The following TBC1D22A variants were observed in gnomAD, a reference collection of about 807,000 sequenced individuals.
TBC1D22A encodes putative GTPase activator.
In TBC1D22A, 38 loss-of-function variants were observed where a neutral mutation model predicts 60.2. The ratio of observed to expected loss-of-function variants is 0.63; its 90% confidence interval spans 0.49 to 0.83. The LOEUF is 0.83. Ranked by LOEUF, TBC1D22A falls within the 40% of genes least tolerant of loss-of-function variation. TBC1D22A has a pLI of 0.00. For synonymous variants in TBC1D22A, 302 were observed against 281.7 expected (o/e 1.07, Z -0.72); for missense variants, 628 against 701.0 (o/e 0.90, Z 1.18).
intron 11 of TBC1D22A, among the ~76,000 whole-genome samples, chr22:47,043,809 A>C (rs2062928995): frequency 6.6e-6 from 1 of 152,112 alleles, no homozygotes; most frequent in African/African-American, 2.4e-5. Context: ...AGTGTGCTCT[A>C]TGTGAGGTGC....
intron 9 of TBC1D22A, among the ~76,000 whole-genome samples, chr22:46,976,109 C>T (rs188706511): frequency 4.6e-5 from 7 of 152,288 alleles, no homozygotes; most frequent in East Asian, 3.9e-4. Flanking sequence ...TTTCAAATGT[C>T]GCTTCTCTGA....
chr22:46,786,136 T>C (rs966926863), intron 1 of TBC1D22A, among the ~76,000 whole-genome samples: 1 of 152,248 alleles, frequency 6.6e-6, no homozygotes, highest in African/African-American at 2.4e-5. Context: ...TTAAGTGTGA[T>C]GTTAACTATG....
chr22:47,098,126 A>G (rs993518610), intron 11 of TBC1D22A, among the ~76,000 whole-genome samples: 4 of 152,184 alleles, frequency 2.6e-5, no homozygotes, highest in Admixed American at 6.5e-5. Context: ...TCCAATTGCA[A>G]TAGGATCAGG....
At chr22:46,833,754 G>A (rs1482262915) in intron 4 of TBC1D22A, among the ~76,000 whole-genome samples, 1 of 152,184 alleles carries the variant, frequency 6.6e-6, no homozygotes, top group African/African-American at 2.4e-5. Context: ...TTGTGAAGGT[G>A]GTTCCAGAGC....
intron 9 of TBC1D22A, among the ~76,000 whole-genome samples, chr22:46,982,317 G>A (rs1340793533): frequency 1.3e-5 from 2 of 150,730 alleles, no homozygotes; most frequent in African/African-American, 4.9e-5. Flanking sequence ...TCTGCCTCCC[G>A]GGTTCAAGCA....
At chr22:47,017,936 A>G (rs988711937) in intron 10 of TBC1D22A, among the ~76,000 whole-genome samples, 1 of 152,196 alleles carries the variant, frequency 6.6e-6, no homozygotes, top group Non-Finnish European at 1.5e-5. Context: ...ACGTCCCTTT[A>G]ATACGTTCCA....
intron 12 of TBC1D22A, among the ~76,000 whole-genome samples, chr22:47,135,233 G>A (rs955352675): frequency 6.6e-6 from 1 of 152,240 alleles, no homozygotes; most frequent in Non-Finnish European, 1.5e-5. Flanking sequence ...GCTCGGCGCT[G>A]CTTCCCGTCA....
intron 2 of TBC1D22A, 57 bp from the exon 3 acceptor site, chr22:46,793,444 C>A: frequency 3.2e-6 from 5 of 1,557,644 alleles, no homozygotes; most frequent in African/African-American, 1.4e-5. Flanking sequence ...TCTTTCCTGG[C>A]TGGTTTTGGG....
At chr22:46,803,065 A>C (rs756430045) in intron 4 of TBC1D22A, among the ~76,000 whole-genome samples, 1 of 152,122 alleles carries the variant, frequency 6.6e-6, no homozygotes, top group Non-Finnish European at 1.5e-5. Context: ...CAGGGAAAGC[A>C]GTGTGTTTAA....
At chr22:47,122,504 C>T (rs1046951095) in intron 12 of TBC1D22A, among the ~76,000 whole-genome samples, 1 of 152,154 alleles carries the variant, frequency 6.6e-6, no homozygotes, top group African/African-American at 2.4e-5. Context: ...GCCACCTGGT[C>T]CCCTGGGCCC....
At chr22:46,980,773 C>A (rs1344862997) in intron 9 of TBC1D22A, among the ~76,000 whole-genome samples, 1 of 152,134 alleles carries the variant, frequency 6.6e-6, no homozygotes, top group Non-Finnish European at 1.5e-5. Context: ...GATGTTGTTA[C>A]TAATATCTAA....
chr22:47,101,515 C>T (rs57473472), intron 11 of TBC1D22A, among the ~76,000 whole-genome samples: 1 of 152,260 alleles, frequency 6.6e-6, no homozygotes, highest in Admixed American at 6.5e-5. Context: ...TCAGCCATGC[C>T]TGTGGGGCGA....
At chr22:46,798,238 G>C (rs192699846) in intron 4 of TBC1D22A, among the ~76,000 whole-genome samples, 111 of 152,348 alleles carry the variant, frequency 7.3e-4, no homozygotes, top group Non-Finnish European at 1.4e-3. Context: ...TGAGCCCTTC[G>C]AGGCTGGCCA....
At chr22:47,048,566 G>A (rs552715655) in intron 11 of TBC1D22A, among the ~76,000 whole-genome samples, 16 of 152,332 alleles carry the variant, frequency 1.1e-4, no homozygotes, top group African/African-American at 3.4e-4. Flanking sequence ...CTGGGCCAGA[G>A]GAGCATGGGG....
intron 4 of TBC1D22A, among the ~76,000 whole-genome samples, chr22:46,825,111 G>A (rs999660065): frequency 2.0e-5 from 3 of 152,128 alleles, no homozygotes; most frequent in Non-Finnish European, 2.9e-5. Context: ...TTCCCTTAAC[G>A]CAAGGCATTT....
intron 11 of TBC1D22A, among the ~76,000 whole-genome samples, chr22:47,057,287 C>T (rs769107664): frequency 6.6e-6 from 1 of 152,236 alleles, no homozygotes; most frequent in South Asian, 2.1e-4. Flanking sequence ...CCAAGCTCCT[C>T]CTTCCACGGG....
Position 47,137,209 on chromosome 22 carries a change from C to T in TBC1D22A, c.1425+25606C>T, listed in dbSNP as rs1281291320. 2.6e-5 allele frequency among the ~76,000 whole-genome samples: 4 copies of T among 152,256 alleles called. No individual in the cohort carries two copies. The East Asian group carries it at 7.7e-4, about 29-fold the overall frequency. ...GCAAACATGGTAGGATTTCTCAGTT[C>T]AACTTTGGGGTGTTTGTTTTTTGAG... On this transcript the variant is annotated intron_variant, in intron 12 of 12. Coordinates refer to ENST00000337137, the MANE Select transcript of TBC1D22A (RefSeq NM_014346.5).
intron 7 of TBC1D22A, among the ~76,000 whole-genome samples, chr22:46,906,225 T>G (rs2069453999): frequency 6.6e-6 from 1 of 152,216 alleles, no homozygotes; most frequent in South Asian, 2.1e-4. Context: ...TCGTATATGT[T>G]TTCTTACTTT....
chr22:46,767,120 A>G (rs1055863086), intron 1 of TBC1D22A, among the ~76,000 whole-genome samples: 1 of 152,100 alleles, frequency 6.6e-6, no homozygotes, highest in Admixed American at 6.5e-5. Context: ...GTTTATGCAC[A>G]CCCTGGTCCT....
Sources: allele counts gnomAD v4.1 joint callset (sites outside exome capture counted in the v4.1 genomes callset), GRCh38; gene constraint gnomAD v4.1.1; transcripts MANE v1.5; gene names NCBI Gene and HGNC (gene_info 2026-07-23, HGNC 2026-07-21).